Variants in KIF24 observed in about 807,000 individuals in gnomAD.
KIF24 encodes kinesin-like protein KIF24.
Under a neutral mutation model 118.9 loss-of-function variants are expected in KIF24, and 81 were observed. The ratio of observed to expected loss-of-function variants is 0.68; its 90% CI spans 0.57 to 0.82. The LOEUF is 0.82. Among genes scored for constraint, KIF24 ranks in the 40% least tolerant of loss-of-function variants. The pLI is 0.00. For missense variants in KIF24, 1,560 were observed against 1,661.6 expected (o/e 0.94, Z 1.06); for synonymous variants, 599 against 610.0 (o/e 0.98, Z 0.27).
intron 5 of KIF24, 39 bp downstream of exon 5, chr9:34,290,135 C>A: frequency 7.0e-7 from 1 of 1,425,092 alleles, no homozygotes; most frequent in Non-Finnish European, 9.9e-7. Flanking sequence ...CTTAAAATAG[C>A]GATGAACAGA....
chr9:34,255,226 T>G (rs915733552), intron 11 of KIF24, 61 bp from the exon 12 acceptor site: 21 of 1,032,366 alleles, frequency 2.0e-5, no homozygotes, highest in Non-Finnish European at 3.1e-5. Context: ...CTGGGTAGCT[T>G]TCTGGAGGTG....
Position 34,322,771 on chromosome 9 carries a change from G to A in KIF24, c.-26+6335C>T, listed in dbSNP as rs898098405. Among the ~76,000 whole-genome samples the A allele has an allele frequency of 8.5e-5, 13 of 152,220 alleles. No homozygotes were observed. The East Asian group carries it at 2.3e-3, about 27-fold the overall frequency. ...TGGGAGGCTGATATTGCGGGGTACT[G>A]CTTGAGCCTGGGAGGCGGAGGTTGC... On this transcript the variant is annotated intron_variant, in intron 1 of 12. Coordinates refer to ENST00000402558, the MANE Select transcript of KIF24 (RefSeq NM_194313.4).
chr9:34,286,071 C>T (rs902776749), intron 6 of KIF24, among the ~76,000 whole-genome samples: 13 of 151,950 alleles, frequency 8.6e-5, no homozygotes, highest in African/African-American at 2.7e-4. Context: ...CGGTGGCTCA[C>T]GGCTGTAATC....
In KIF24 at chr9:34,315,610, G is replaced by C. The variant is rs898189545; in HGVS notation, c.-25-4239C>G. ...AGATAATGTAAGATGGTTCTGCCTTGTACTACTGTGTGAATTATTAAAGAC... is the reference window on the plus strand; with the variant it reads ...AGATAATGTAAGATGGTTCTGCCTTCTACTACTGTGTGAATTATTAAAGAC... On this transcript the variant is annotated intron_variant, in intron 1 of 12. Coordinates refer to ENST00000402558, the MANE Select transcript of KIF24 (RefSeq NM_194313.4). Among the ~76,000 whole-genome samples the C allele has an allele frequency of 2.6e-5, 4 of 152,156 alleles. No homozygotes were observed. In the East Asian group the frequency reaches 7.7e-4, roughly 29 times the overall value.
At chr9:34,327,501 T>TA (rs1282469432) in intron 1 of KIF24, among the ~76,000 whole-genome samples, 1 of 152,172 alleles carries the variant, frequency 6.6e-6, no homozygotes, top group Non-Finnish European at 1.5e-5. Context: ...ATCTTAGCAG[T>TA]AATGTGCTAC....
intron 1 of KIF24, 29 bp from the exon 2 acceptor site, chr9:34,311,400 T>C (rs778485617): frequency 1.2e-4 from 142 of 1,193,960 alleles, no homozygotes; most frequent in Non-Finnish European, 1.5e-4. Flanking sequence ...GCCATTCGCT[T>C]GAAATAGAGT....
chr9:34,266,204 A>G (rs930591496), intron 8 of KIF24, among the ~76,000 whole-genome samples: 8 of 121,172 alleles, frequency 6.6e-5, no homozygotes, highest in Non-Finnish European at 1.4e-4. Flanking sequence ...GCAATCTTAA[A>G]CTAATTTATT....
intron 3 of KIF24, 52 bp from the exon 4 acceptor site, chr9:34,297,166 A>G: frequency 9.3e-7 from 1 of 1,079,256 alleles, no homozygotes; most frequent in Middle Eastern, 2.2e-4. Flanking sequence ...GATTTTCTTA[A>G]TCACTATTCT....
At chr9:34,262,540 C>CCA (rs1835094782) in intron 9 of KIF24, among the ~76,000 whole-genome samples, 2 of 144,136 alleles carry the variant, frequency 1.4e-5, no homozygotes, top group Admixed American at 1.4e-4. Flanking sequence ...GGCATGGTGG[C>CCA]TTATGCCTGT....
In KIF24 at chr9:34,318,983, T is replaced by C. The variant is rs1293151567; in HGVS notation, c.-25-7612A>G. The C allele has an allele frequency of 7.8e-7, 1 of 1,284,680 alleles. No homozygotes were observed. Among genetic ancestry groups the C allele is most frequent in the Non-Finnish European group, 1.1e-6 (1 of 885,422 alleles). 79.6% of individuals were successfully genotyped at this position (1,284,680 alleles called of 1,614,324 possible). On this transcript the variant is annotated intron_variant, in intron 1 of 12. Transcript: ENST00000402558. The surrounding 1 kb of genome is among the most constrained non-coding windows in gnomAD (Gnocchi z 4.9). ...GCCCAAGGTCACCAAGGACATGGAG[T>C]GCATGGATGGCGCCCTGCTTGTCAA...
chr9:34,283,061 A>G lies in KIF24; in HGVS notation c.1215+3556T>C, dbSNP rs991770653. The stretch of plus-strand genomic sequence containing the variant: ...GAGCAAAACTCCGTCTCAAAAAAAA[A>G]AAAAAAAAAAAAAAGAATATTATGG... On this transcript the variant is annotated intron_variant, in intron 6 of 12. Transcript: ENST00000402558. Among the ~76,000 whole-genome samples the G allele has an allele frequency of 3.4e-3, 504 of 150,400 alleles. 2 individuals carry two copies. The highest frequency in any genetic ancestry group is 0.012 in the African/African-American group (489 of 40,514).
At chr9:34,259,373 T>G (rs534974306) in intron 10 of KIF24, among the ~76,000 whole-genome samples, 2 of 152,204 alleles carry the variant, frequency 1.3e-5, no homozygotes, top group Admixed American at 6.5e-5. Flanking sequence ...CCTCTTGTCA[T>G]GCTTGCAAAG....
At chr9:34,285,077 G>C (rs1004607530) in intron 6 of KIF24, among the ~76,000 whole-genome samples, 2 of 152,066 alleles carry the variant, frequency 1.3e-5, no homozygotes, top group African/African-American at 4.8e-5. Context: ...GGGGAACAGG[G>C]GAAGTGGGGT....
chr9:34,331,764 A>G (rs1020452802), upstream of KIF24, among the ~76,000 whole-genome samples: 3 of 152,218 alleles, frequency 2.0e-5, no homozygotes, highest in African/African-American at 4.8e-5. Context: ...CTTTAGACCC[A>G]TCTGTTCATT....
In KIF24 at chr9:34,259,710, C is replaced by G. The variant is rs1453249195; in HGVS notation, c.1516-5G>C. The G allele has an allele frequency of 1.9e-6, 3 of 1,603,242 alleles. No homozygotes were observed. Among genetic ancestry groups the G allele is most frequent in the African/African-American group, 1.3e-5 (1 of 74,654 alleles). ...GATGAAAGAGTCCTTCAGGACCTGT[C>G]CAAAACAGAAGGCAGGTCAATGAGT... On this transcript the variant is annotated splice_polypyrimidine_tract_variant and splice_region_variant and intron_variant, in intron 9 of 12. Transcript: ENST00000402558.
chr9:34,259,739 G>A lies in KIF24; in HGVS notation c.1516-34C>T. On this transcript the variant is annotated intron_variant, in intron 9 of 12. Transcript: ENST00000402558. ...AACAGAAGGCAGGTCAATGAGTGAA[G>A]TCAATTAACAAAGTGCATACTGACT... 2.8e-6 allele frequency: 4 copies of A among 1,411,524 alleles called. 1 individual carries two copies. The South Asian group carries it at 4.6e-5, about 16-fold the overall frequency. The allele number at this position is 1,411,524 out of a possible 1,614,324, so 87.4% of individuals were successfully genotyped here.
intron 6 of KIF24, among the ~76,000 whole-genome samples, chr9:34,284,442 G>C (rs1320796964): frequency 2.0e-5 from 3 of 152,074 alleles, no homozygotes; most frequent in African/African-American, 7.2e-5. Context: ...AACCCCAGTT[G>C]TTTATTAACA....
Position 34,290,301 on chromosome 9 carries a change from C to A in KIF24, c.1000G>T (p.Ala334Ser). 1 of 1,613,814 alleles carries A rather than the reference C, an allele frequency of 6.2e-7. No individual in the cohort carries two copies. The highest frequency in any genetic ancestry group is 8.5e-7 in the Non-Finnish European group (1 of 1,179,746). Residue 334 changes from alanine to serine, a missense_variant, in exon 5 of 13, where the codon GCT becomes TCT. Ala to Ser is a moderately conservative substitution (Grantham distance 99). Around this residue, in one of 3 missense-constraint regions of KIF24, gnomAD observed 964 missense variants for 988.0 expected, o/e 0.98. Transcript: ENST00000402558. ...CTGAAGATATCTTTGGCAGCTAGAG[C>A]ATACAATCCTGGGTTCTCATGAGTT... ...IGTHENPGLY[A>S]LAAKDIFRQL...
chr9:34,269,269 C>G lies in KIF24; in HGVS notation c.1431G>C (p.Gln477His), dbSNP rs780844274. The change falls in exon 8 of 13, where the codon CAG becomes CAC. Residue 477 changes from glutamine (Q) to histidine (H), a missense_variant. Physicochemically the swap from Gln to His is conservative, Grantham distance 24. Coordinates refer to ENST00000402558, the MANE Select transcript of KIF24 (RefSeq NM_194313.4). The stretch of plus-strand genomic sequence containing the variant: ...TTGAACAACTTACAGCCAGTAGACT[C>G]TGATTTATTTCTGCACCTTCCATCT... ...QTKMEGAEIN[Q>H]SLLALKECIR... The G allele has an allele frequency of 6.2e-7, 1 of 1,601,758 alleles. No individual in the cohort carries two copies. The highest frequency in any genetic ancestry group is 1.3e-5 in the African/African-American group (1 of 74,602).
Sources: gnomAD v4.1 joint callset for allele counts (sites outside exome capture counted in the v4.1 genomes callset) on GRCh38, gnomAD v4.1.1 for gene constraint, gnomAD v4.1.1 regional missense constraint, Gnocchi (gnomAD v3.1) non-coding constraint, MANE v1.5 for transcripts, NCBI Gene and HGNC (gene_info 2026-07-23, HGNC 2026-07-21) for gene names.